The following WDR72 variants were observed in gnomAD, a reference collection of about 807,000 sequenced individuals.
WDR72 encodes the protein WD repeat domain 72, also known as WD repeat-containing protein 72.
Under a neutral mutation model 124.2 loss-of-function variants are expected in WDR72, and 120 were observed. The ratio of observed to expected loss-of-function variants is 0.97; its 90% CI spans 0.83 to 1.12. WDR72 has a LOEUF of 1.12. Ranked by LOEUF, WDR72 falls within the 50% of genes most tolerant of loss-of-function variation. The pLI is 0.00. For missense variants in WDR72, 1,387 were observed against 1,278.8 expected, an observed-to-expected ratio of 1.08 and a Z score of -1.29; for synonymous variants, 452 against 441.7, an observed-to-expected ratio of 1.02 and a Z score of -0.29.
intron 14 of WDR72, among the ~76,000 whole-genome samples, chr15:53,655,230 C>CA (rs531072099): frequency 0.012 from 649 of 54,614 alleles, 53 homozygotes; most frequent in Non-Finnish European, 0.014. Flanking sequence ...GATGCCATCT[C>CA]AAAAAAAAAA....
chr15:53,758,795 G>A (rs561318275), intron 1 of WDR72, among the ~76,000 whole-genome samples: 242 of 142,520 alleles, frequency 1.7e-3, no homozygotes, highest in Middle Eastern at 3.5e-3. Context: ...GTGCGGGCGG[G>A]GGAAGACAAA....
upstream of WDR72, among the ~76,000 whole-genome samples, chr15:53,760,271 TTC>T (rs1387926044): frequency 6.6e-6 from 1 of 152,060 alleles, no homozygotes. Context: ...GTCTTATTCA[TTC>T]TTTCTGTTTT....
chr15:53,597,345 C>T, intron 17 of WDR72, 71 bp from the exon 18 acceptor site: 1 of 1,486,850 alleles, frequency 6.7e-7, no homozygotes, highest in South Asian at 1.2e-5. Context: ...GCAAAAAATC[C>T]AAAGCCCGGA....
chr15:53,729,146 G>A (rs2018127316), intron 2 of WDR72, among the ~76,000 whole-genome samples: 1 of 152,036 alleles, frequency 6.6e-6, no homozygotes, highest in Non-Finnish European at 1.5e-5. Context: ...GGCTGTTCCT[G>A]CTCCCTTACC....
intron 1 of WDR72, among the ~76,000 whole-genome samples, chr15:53,752,632 C>T (rs901356344): frequency 2.6e-5 from 4 of 152,176 alleles, no homozygotes; most frequent in East Asian, 1.9e-4. Flanking sequence ...TGAGACAACA[C>T]ATTTCTGTTG....
In WDR72 at chr15:53,620,020, T is replaced by C. The variant is rs375520214; in HGVS notation, c.1963-3777A>G. Among the ~76,000 whole-genome samples the C allele has an allele frequency of 2.5e-4, 38 of 152,116 alleles. No homozygotes were observed. The East Asian group carries it at 4.8e-3, about 19-fold the overall frequency. On this transcript the variant is annotated intron_variant, in intron 14 of 19. Coordinates refer to ENST00000360509, the MANE Select transcript of WDR72 (RefSeq NM_182758.4). ...ATGGGCATTCTTATACACTGCAAGA[T>C]TAGTGTAAGTTGGCACTTATTTTAT...
intron 2 of WDR72, among the ~76,000 whole-genome samples, chr15:53,732,011 A>C (rs147465894): frequency 1.2e-4 from 19 of 152,330 alleles, no homozygotes; most frequent in African/African-American, 4.6e-4. Flanking sequence ...TTAGTCACTT[A>C]GAAGTTTGTG....
At chr15:53,651,396 T>C (rs2015235619) in intron 14 of WDR72, among the ~76,000 whole-genome samples, 1 of 152,230 alleles carries the variant, frequency 6.6e-6, no homozygotes, top group African/African-American at 2.4e-5. Flanking sequence ...TTGTTTACGA[T>C]GTATCCACTC....
At chr15:53,721,511 G>A (rs1197720904) in intron 3 of WDR72, among the ~76,000 whole-genome samples, 2 of 152,066 alleles carry the variant, frequency 1.3e-5, no homozygotes, top group Non-Finnish European at 2.9e-5. Context: ...GGTTAAAAAA[G>A]GAATGTATTA....
intron 18 of WDR72, among the ~76,000 whole-genome samples, chr15:53,589,188 C>T (rs1255490481): frequency 1.3e-5 from 2 of 151,888 alleles, no homozygotes; most frequent in African/African-American, 4.8e-5. Flanking sequence ...GGGTTACAAA[C>T]TAGATTCATT....
chr15:53,759,311 G>T (rs2019004052), intron 1 of WDR72: 1 of 152,192 alleles, frequency 6.6e-6, no homozygotes, highest in Non-Finnish European at 1.5e-5. Flanking sequence ...CGTATCTGGG[G>T]TAGACTCCTC....
intron 1 of WDR72, among the ~76,000 whole-genome samples, chr15:53,755,700 C>A (rs948611202): frequency 6.6e-6 from 1 of 152,188 alleles, no homozygotes; most frequent in Non-Finnish European, 1.5e-5. Flanking sequence ...GATCATGGGG[C>A]CTCCATTACC....
intron 14 of WDR72, among the ~76,000 whole-genome samples, chr15:53,646,430 G>C (rs149331070): frequency 7.9e-5 from 12 of 152,094 alleles, no homozygotes; most frequent in Non-Finnish European, 1.0e-4. Context: ...AATGGATTTA[G>C]AGGTAAACAA....
intron 17 of WDR72, among the ~76,000 whole-genome samples, chr15:53,605,237 G>A (rs1156465157): frequency 2.0e-5 from 3 of 152,146 alleles, no homozygotes; most frequent in Non-Finnish European, 4.4e-5. Flanking sequence ...ACTGACACAG[G>A]AACAGAAAAC....
intron 14 of WDR72, among the ~76,000 whole-genome samples, chr15:53,628,160 CAA>C (rs1215771531): frequency 6.6e-6 from 1 of 152,010 alleles, no homozygotes; most frequent in Non-Finnish European, 1.5e-5. Context: ...CCTAAGAAAA[CAA>C]AGTTTAGTAA....
intron 17 of WDR72, among the ~76,000 whole-genome samples, chr15:53,600,469 C>G (rs1260674832): frequency 6.6e-6 from 1 of 152,060 alleles, no homozygotes; most frequent in Non-Finnish European, 1.5e-5. Context: ...GCAATGTACA[C>G]AGATTAAAAA....
intron 7 of WDR72, among the ~76,000 whole-genome samples, chr15:53,712,129 A>T (rs939622108): frequency 3.9e-5 from 6 of 152,230 alleles, no homozygotes; most frequent in Non-Finnish European, 8.8e-5. Flanking sequence ...TCTGAAATGT[A>T]AACACCAAAT....
chr15:53,649,280 T>A (rs1251515472), intron 14 of WDR72, among the ~76,000 whole-genome samples: 2 of 152,154 alleles, frequency 1.3e-5, no homozygotes, highest in Non-Finnish European at 2.9e-5. Flanking sequence ...TACCAGAGAC[T>A]GTATGGCCCA....
chr15:53,759,932 G>A (rs969441794), upstream of WDR72, among the ~76,000 whole-genome samples: 1 of 151,712 alleles, frequency 6.6e-6, no homozygotes, highest in South Asian at 2.1e-4. Flanking sequence ...GGGCTGGAGA[G>A]AATTAGTTAG....
Sources: allele counts gnomAD v4.1 joint callset (sites outside exome capture counted in the v4.1 genomes callset), GRCh38; gene constraint gnomAD v4.1.1; transcripts MANE v1.5; gene names NCBI Gene and HGNC (gene_info 2026-07-23, HGNC 2026-07-21).